CTNNA2: variants seen among roughly 807,000 people sequenced by gnomAD.
CTNNA2 encodes the protein catenin alpha 2.
A neutral mutation model predicts 101.0 loss-of-function variants in CTNNA2; 42 were observed. That is an observed-to-expected ratio of 0.42 (90% CI 0.32 to 0.54). The LOEUF (loss-of-function observed/expected upper bound fraction) is 0.54, where lower values mean the gene tolerates loss of function less well. Among genes scored for constraint, CTNNA2 ranks in the 20% least tolerant of loss-of-function variants. CTNNA2 has a pLI of 0.14. For missense variants in CTNNA2, 871 were observed against 1,223.1 expected (o/e 0.71, Z 4.29); for synonymous variants, 450 against 456.4 (o/e 0.99, Z 0.18).
intron 2 of CTNNA2, among the ~76,000 whole-genome samples, chr2:79,728,936 A>G (rs991691656): frequency 6.6e-6 from 1 of 152,018 alleles, no homozygotes; most frequent in Admixed American, 6.6e-5. Context: ...ATTGATCTAT[A>G]TCTCTGTTTT....
intron 8 of CTNNA2, 143 bp downstream of exon 8, chr2:80,393,434 T>C (rs1412765162): frequency 6.5e-6 from 4 of 612,870 alleles, no homozygotes; most frequent in Non-Finnish European, 1.1e-5. Context: ...AACCCCATTT[T>C]ATCGGCAAGG....
At chr2:79,672,854 C>T (rs558845833) in intron 2 of CTNNA2, among the ~76,000 whole-genome samples, 27 of 151,832 alleles carry the variant, frequency 1.8e-4, no homozygotes, top group Middle Eastern at 3.4e-3. Context: ...AGATTACAGG[C>T]GCCTGCCACC....
At chr2:80,516,251 G>T (rs1017009456) in intron 9 of CTNNA2, among the ~76,000 whole-genome samples, 6 of 152,106 alleles carry the variant, frequency 3.9e-5, no homozygotes, top group African/African-American at 1.2e-4. Context: ...GCAACATTGG[G>T]TTTTTTTCTC....
At chr2:80,627,910 CA>C (rs1381268057) in intron 18 of CTNNA2, among the ~76,000 whole-genome samples, 3 of 152,090 alleles carry the variant, frequency 2.0e-5, no homozygotes, top group Admixed American at 6.6e-5. Context: ...GCAACTTCAG[CA>C]AAGTCTCAGG....
chr2:79,759,075 G>T (rs1481972973), intron 3 of CTNNA2, among the ~76,000 whole-genome samples: 1 of 152,194 alleles, frequency 6.6e-6, no homozygotes, highest in East Asian at 1.9e-4. Flanking sequence ...TTAGAAAGTG[G>T]TAAACAGAAA....
intron 4 of CTNNA2, among the ~76,000 whole-genome samples, chr2:79,420,581 G>T (rs1678530826): frequency 6.6e-6 from 1 of 152,108 alleles, no homozygotes. Flanking sequence ...ATAAGTTTAT[G>T]TCTTGATTTG....
intron 3 of CTNNA2, among the ~76,000 whole-genome samples, chr2:79,839,105 C>A (rs1679610201): frequency 6.6e-6 from 1 of 152,054 alleles, no homozygotes; most frequent in Non-Finnish European, 1.5e-5. Context: ...GTAATACTTT[C>A]TTTAATCATG....
chr2:79,595,763 C>T (rs1338555698), intron 1 of CTNNA2, among the ~76,000 whole-genome samples: 1 of 151,942 alleles, frequency 6.6e-6, no homozygotes, highest in Admixed American at 6.6e-5. Flanking sequence ...ATGTCACCTA[C>T]TACTTAATCT....
chr2:79,776,833 A>G (rs925338629), intron 3 of CTNNA2, among the ~76,000 whole-genome samples: 2 of 152,190 alleles, frequency 1.3e-5, no homozygotes, highest in East Asian at 1.9e-4. Context: ...CCAAACCCAC[A>G]TGGAGTTTGC....
chr2:79,829,360 TACACACAC>T (rs55934940), intron 3 of CTNNA2, among the ~76,000 whole-genome samples: 21,784 of 112,870 alleles, frequency 0.19, 1,780 homozygotes, highest in Non-Finnish European at 0.21. Context: ...CAACTAAAAC[TACACACAC>T]ACACACACAC....
chr2:79,790,983 G>C (rs561923746), intron 3 of CTNNA2, among the ~76,000 whole-genome samples: 1 of 152,214 alleles, frequency 6.6e-6, no homozygotes, highest in South Asian at 2.1e-4. Flanking sequence ...TAAACCTTTT[G>C]TAACTTTATT....
intron 3 of CTNNA2, among the ~76,000 whole-genome samples, chr2:79,752,301 G>A (rs1341548228): frequency 6.6e-6 from 1 of 152,158 alleles, no homozygotes; most frequent in Admixed American, 6.5e-5. Context: ...TAAAATCCAA[G>A]GGAATAGGAT....
chr2:80,328,472 CA>C, intron 7 of CTNNA2: 1 of 443,918 alleles, frequency 2.3e-6, no homozygotes, highest in South Asian at 1.7e-5. Context: ...AGATTTGGAG[CA>C]GTCATCTGGA....
At chr2:80,416,577 TC>T (rs886345053) in intron 8 of CTNNA2, among the ~76,000 whole-genome samples, 3 of 152,092 alleles carry the variant, frequency 2.0e-5, no homozygotes, top group African/African-American at 7.2e-5. Context: ...TATTCATACT[TC>T]CCCTATAATT....
chr2:79,336,985 C>G (rs1193371476), intron 3 of CTNNA2, among the ~76,000 whole-genome samples: 1 of 152,180 alleles, frequency 6.6e-6, no homozygotes, highest in African/African-American at 2.4e-5. Flanking sequence ...ATCAAGCCTG[C>G]TTCTCTAGCC....
chr2:79,381,440 G>A (rs1041957384), intron 4 of CTNNA2, among the ~76,000 whole-genome samples: 1 of 152,116 alleles, frequency 6.6e-6, no homozygotes, highest in Non-Finnish European at 1.5e-5. Flanking sequence ...TGAAGTATTT[G>A]CATCTTCATA....
At chr2:79,811,169 G>C (rs1168845455) in intron 3 of CTNNA2, among the ~76,000 whole-genome samples, 59 of 151,910 alleles carry the variant, frequency 3.9e-4, no homozygotes, top group Non-Finnish European at 7.1e-4. Flanking sequence ...TCCTATTTCT[G>C]CACAACCTCT....
intron 2 of CTNNA2, among the ~76,000 whole-genome samples, chr2:79,236,213 C>A (rs112699592): frequency 6.6e-6 from 1 of 152,132 alleles, no homozygotes; most frequent in African/African-American, 2.4e-5. Flanking sequence ...ACTCCCTGTA[C>A]CCTCAAACTC....
At chr2:80,301,964 T>A (rs1453359132) in intron 7 of CTNNA2, 2 of 318,536 alleles carry the variant, frequency 6.3e-6, no homozygotes, top group African/African-American at 4.3e-5. Flanking sequence ...ACTCTCAGAT[T>A]CCTGAATATG....
Sources: gnomAD v4.1 joint callset for allele counts (sites outside exome capture counted in the v4.1 genomes callset) on GRCh38, gnomAD v4.1.1 for gene constraint, MANE v1.5 for transcripts, NCBI Gene and HGNC (gene_info 2026-07-23, HGNC 2026-07-21) for gene names.